The following CACNA1D variants were observed in gnomAD, a reference collection of about 807,000 sequenced individuals.
CACNA1D encodes the protein calcium voltage-gated channel subunit alpha1 D.
A neutral mutation model predicts 257.1 loss-of-function variants in CACNA1D; 55 were observed. That is an observed-to-expected ratio of 0.21 (90% CI 0.17 to 0.27). The LOEUF is 0.27. CACNA1D is among the 10% of genes least tolerant of loss of function. The pLI is 1.00. For synonymous variants in CACNA1D, 980 were observed against 1,014.9 expected, an observed-to-expected ratio of 0.97 and a Z score of 0.65; for missense variants, 1,876 against 2,784.0, an observed-to-expected ratio of 0.67 and a Z score of 7.34.
chr3:53,576,382 T>C (rs2093038441), intron 3 of CACNA1D, among the ~76,000 whole-genome samples: 1 of 152,192 alleles, frequency 6.6e-6, no homozygotes, highest in Non-Finnish European at 1.5e-5. Flanking sequence ...TAAAGTTCAG[T>C]CCGTGGATGA....
At chr3:53,621,450 AGT>A (rs1342115036) in intron 3 of CACNA1D, among the ~76,000 whole-genome samples, 2 of 152,184 alleles carry the variant, frequency 1.3e-5, no homozygotes, top group African/African-American at 4.8e-5. Context: ...GAGAGAGTCA[AGT>A]GTGTGTTTCT....
At chr3:53,776,760 T>G (rs377618903) in intron 36 of CACNA1D, 30 bp downstream of exon 36, 1 of 1,614,206 alleles carries the variant, frequency 6.2e-7, no homozygotes, top group Non-Finnish European at 8.5e-7. Flanking sequence ...ATTTGGCGTG[T>G]GTGGGTGGAT....
intron 30 of CACNA1D, among the ~76,000 whole-genome samples, chr3:53,766,779 A>C (rs1181667627): frequency 6.6e-6 from 1 of 152,156 alleles, no homozygotes; most frequent in Non-Finnish European, 1.5e-5. Flanking sequence ...AGAATGTGAC[A>C]TCTTAGGGTG....
chr3:53,671,935 TG>T (rs755841402), intron 7 of CACNA1D, among the ~76,000 whole-genome samples: 27 of 152,364 alleles, frequency 1.8e-4, no homozygotes, highest in Non-Finnish European at 3.4e-4. Flanking sequence ...CTGAAAATTC[TG>T]GGTGTTGTGG....
intron 3 of CACNA1D, among the ~76,000 whole-genome samples, chr3:53,535,280 C>G (rs1266030139): frequency 6.6e-6 from 1 of 152,190 alleles, no homozygotes; most frequent in Non-Finnish European, 1.5e-5. Context: ...TCACAGCCTC[C>G]CGTCGCCTGT....
In CACNA1D at chr3:53,811,075, T is replaced by A; in HGVS notation, c.6193-38T>A. On this transcript the variant is annotated intron_variant, in intron 47 of 47. Transcript: ENST00000350061. The surrounding 1 kb of genome is among the most constrained non-coding windows in gnomAD (Gnocchi z 4.2). The stretch of plus-strand genomic sequence containing the variant: ...CGTCCCCCTGCCCTGCAAAGCCTTA[T>A]AACACCCCCATGCCATCCATCCCTC... 1.9e-6 allele frequency: 3 copies of A among 1,574,830 alleles called. No individual in the cohort carries two copies. Among genetic ancestry groups the A allele is most frequent in the Non-Finnish European group, 2.6e-6 (3 of 1,144,644 alleles).
chr3:53,691,416 T>A (rs1036599681), intron 8 of CACNA1D, among the ~76,000 whole-genome samples: 1 of 151,896 alleles, frequency 6.6e-6, no homozygotes, highest in Non-Finnish European at 1.5e-5. Flanking sequence ...AGAATACCTC[T>A]TAAAACATGT....
intron 29 of CACNA1D, among the ~76,000 whole-genome samples, chr3:53,758,595 C>T (rs991969382): frequency 6.6e-6 from 1 of 152,224 alleles, no homozygotes; most frequent in Non-Finnish European, 1.5e-5. Context: ...CATAGTGGTG[C>T]TTCCTGACCC....
chr3:53,566,242 T>A (rs2092833263), intron 3 of CACNA1D, among the ~76,000 whole-genome samples: 1 of 152,124 alleles, frequency 6.6e-6, no homozygotes, highest in South Asian at 2.1e-4. Context: ...CAGTGCCTGC[T>A]GCCCCTTCAC....
At chr3:53,660,112 T>G in intron 4 of CACNA1D, 21 bp from the exon 5 acceptor site, 1 of 1,611,162 alleles carries the variant, frequency 6.2e-7, no homozygotes, top group Non-Finnish European at 8.5e-7. Flanking sequence ...CTAACATTTC[T>G]TTCTCTTTCT....
chr3:53,543,108 ACAG>A (rs1225201907), intron 3 of CACNA1D, among the ~76,000 whole-genome samples: 3 of 147,090 alleles, frequency 2.0e-5, no homozygotes, highest in South Asian at 2.1e-4. Flanking sequence ...AAAAAAAAGA[ACAG>A]CAGCAGTAAA....
intron 3 of CACNA1D, among the ~76,000 whole-genome samples, chr3:53,636,600 G>T (rs988146143): frequency 6.6e-6 from 1 of 152,174 alleles, no homozygotes; most frequent in Non-Finnish European, 1.5e-5. Context: ...TAGCCACTGC[G>T]CCTGGCCGAA....
intron 9 of CACNA1D, among the ~76,000 whole-genome samples, chr3:53,711,741 G>T (rs1037821470): frequency 1.4e-4 from 21 of 152,214 alleles, no homozygotes; most frequent in African/African-American, 4.8e-4. Flanking sequence ...TCTGAAGAGG[G>T]TTATATTAGA....
At chr3:53,725,510 A>G (rs2094927318) in intron 14 of CACNA1D, among the ~76,000 whole-genome samples, 1 of 152,136 alleles carries the variant, frequency 6.6e-6, no homozygotes, top group Non-Finnish European at 1.5e-5. Flanking sequence ...TGTCCATTTT[A>G]AATGTTGACA....
At chr3:53,533,690 T>C (rs1012371213) in intron 3 of CACNA1D, among the ~76,000 whole-genome samples, 2 of 152,186 alleles carry the variant, frequency 1.3e-5, no homozygotes, top group Non-Finnish European at 2.9e-5. Flanking sequence ...CCACGGCTGC[T>C]ATGGCCGTGG....
chr3:53,770,416 C>A lies in CACNA1D; in HGVS notation c.3916-8C>A, dbSNP rs755525690. 4 of 1,613,732 alleles carry A rather than the reference C, an allele frequency of 2.5e-6. No homozygotes were observed. The highest frequency in any genetic ancestry group is 1.3e-5 in the African/African-American group (1 of 75,040). On this transcript the variant is annotated splice_polypyrimidine_tract_variant and splice_region_variant and intron_variant, in intron 31 of 47. Transcript: ENST00000350061. ...ATTGGGTTTGACCTCTCCATGATAA[C>A]CCTTCAGAACTCTGAAGAGAGCAAT...
chr3:53,732,769 A>G, intron 18 of CACNA1D, 46 bp from the exon 19 acceptor site: 1 of 1,544,088 alleles, frequency 6.5e-7, no homozygotes. Flanking sequence ...TCAAACCCAT[A>G]TGTAGTCTTT....
At chr3:53,536,135 A>T (rs558291557) in intron 3 of CACNA1D, among the ~76,000 whole-genome samples, 1 of 152,298 alleles carries the variant, frequency 6.6e-6, no homozygotes, top group East Asian at 1.9e-4. Flanking sequence ...GGTCTTAACT[A>T]TATTGTTTTC....
intron 3 of CACNA1D, among the ~76,000 whole-genome samples, chr3:53,538,961 C>T (rs2092218090): frequency 6.6e-6 from 1 of 152,172 alleles, no homozygotes. Context: ...CTCCCACTTC[C>T]CTCAGTCACC....
Sources: allele counts gnomAD v4.1 joint callset (sites outside exome capture counted in the v4.1 genomes callset), GRCh38; gene constraint gnomAD v4.1.1; non-coding constraint Gnocchi (gnomAD v3.1); transcripts MANE v1.5; gene names NCBI Gene and HGNC (gene_info 2026-07-23, HGNC 2026-07-21).